ARFGEF1: variants seen among roughly 807,000 people sequenced by gnomAD.
ARFGEF1 encodes the protein brefeldin A-inhibited guanine nucleotide-exchange protein 1.
ARFGEF1 carries 42 observed loss-of-function variants against 231.0 expected under a neutral mutation model. The observed-to-expected ratio is 0.18, with a 90% confidence interval of 0.14 to 0.24. The LOEUF is 0.24. Among genes scored for constraint, ARFGEF1 ranks in the 10% least tolerant of loss-of-function variants. The pLI, the probability that ARFGEF1 is intolerant of heterozygous loss-of-function variation, is 1.00. For synonymous variants in ARFGEF1, 710 were observed against 732.3 expected (o/e 0.97, Z 0.49); for missense variants, 1,345 against 2,192.0 (o/e 0.61, Z 7.72).
downstream of ARFGEF1, chr8:67,193,350 G>A: frequency 1.2e-6 from 1 of 840,404 alleles, no homozygotes; most frequent in Non-Finnish European, 1.8e-6. Context: ...GCCCACCTCG[G>A]CTTCCCAAAG....
At chr8:67,318,297 A>C (rs1807423133) in intron 1 of ARFGEF1, among the ~76,000 whole-genome samples, 1 of 151,698 alleles carries the variant, frequency 6.6e-6, no homozygotes, top group Non-Finnish European at 1.5e-5. Context: ...ATTTCAATTG[A>C]TACAGAAAAA....
chr8:67,271,111 C>A (rs547832204), intron 10 of ARFGEF1, among the ~76,000 whole-genome samples: 38 of 150,244 alleles, frequency 2.5e-4, no homozygotes, highest in Non-Finnish European at 5.2e-4. Flanking sequence ...TTGAAAACAT[C>A]CCTAATTTAG....
At chr8:67,220,022 A>C (rs1470183917) in intron 29 of ARFGEF1, among the ~76,000 whole-genome samples, 2 of 152,222 alleles carry the variant, frequency 1.3e-5, no homozygotes, top group African/African-American at 4.8e-5. Context: ...CAACATCCCT[A>C]AACAAAAGGA....
downstream of ARFGEF1, chr8:67,195,240 A>AAAACAAAC (rs3217664): frequency 5.6e-6 from 4 of 711,902 alleles, no homozygotes; most frequent in East Asian, 1.0e-4. Flanking sequence ...GAGTCTAACC[A>AAAACAAAC]AAACAAACAA....
chr8:67,187,131 A>T (rs1834892899), intron 5 of ARFGEF1, among the ~76,000 whole-genome samples: 1 of 152,192 alleles, frequency 6.6e-6, no homozygotes. Flanking sequence ...TATTGTCAAG[A>T]TGTCAGGTCT....
chr8:67,325,980 C>G (rs1807815034), intron 1 of ARFGEF1, among the ~76,000 whole-genome samples: 1 of 152,160 alleles, frequency 6.6e-6, no homozygotes. Context: ...GGGCAGATCA[C>G]TTGAGGTCAG....
chr8:67,232,789 C>A, intron 23 of ARFGEF1, 66 bp downstream of exon 23: 6 of 1,238,214 alleles, frequency 4.8e-6, no homozygotes, highest in Non-Finnish European at 5.6e-6. Context: ...TTCTTTTTAC[C>A]AACACCTAAA....
At chr8:67,220,298 T>C (rs1407966880) in intron 29 of ARFGEF1, among the ~76,000 whole-genome samples, 1 of 152,256 alleles carries the variant, frequency 6.6e-6, no homozygotes, top group Non-Finnish European at 1.5e-5. Context: ...TCTCTATTTG[T>C]TGCTTTTTCT....
chr8:67,247,148 C>T (rs1239396418), intron 19 of ARFGEF1, among the ~76,000 whole-genome samples: 1 of 150,274 alleles, frequency 6.7e-6, no homozygotes, highest in Non-Finnish European at 1.5e-5. Context: ...GGCTTCACTG[C>T]TAAATTCTAC....
chr8:67,194,766 T>C (rs948156835), downstream of ARFGEF1, among the ~76,000 whole-genome samples: 1 of 151,032 alleles, frequency 6.6e-6, no homozygotes, highest in Non-Finnish European at 1.5e-5. Context: ...TAAATAAAAG[T>C]AAAATACAGA....
Position 67,219,579 on chromosome 8 carries a change from A to G in ARFGEF1, c.4209-19T>C. 2 of 1,571,830 alleles carry G rather than the reference A, an allele frequency of 1.3e-6. No individual in the cohort carries two copies. The highest frequency in any genetic ancestry group is 1.2e-5 in the South Asian group (1 of 82,034). On this transcript the variant is annotated intron_variant, in intron 29 of 38. Transcript: ENST00000262215. ...TAAACCCCTAAAATGACAAAACACA[A>G]TTAGAAAGCTGTAATACAAAAAAGC...
intron 22 of ARFGEF1, 105 bp downstream of exon 22, chr8:67,238,238 A>T (rs1839828971): frequency 8.0e-7 from 1 of 1,242,772 alleles, no homozygotes; most frequent in Non-Finnish European, 1.1e-6. Flanking sequence ...AGGTTAGACA[A>T]AAGGCATTTT....
intron 26 of ARFGEF1, 57 bp from the exon 27 acceptor site, chr8:67,227,366 T>A (rs1563850032): frequency 6.3e-7 from 1 of 1,597,352 alleles, no homozygotes; most frequent in Non-Finnish European, 8.6e-7. Flanking sequence ...CATCAGTTTT[T>A]CCCCCTTTCT....
intron 17 of ARFGEF1, among the ~76,000 whole-genome samples, chr8:67,257,313 CAT>C (rs1840490004): frequency 6.6e-6 from 1 of 152,136 alleles, no homozygotes; most frequent in Admixed American, 6.5e-5. Context: ...CTCCTGGACT[CAT>C]GTGATCCGCC....
chr8:67,198,967 T>C lies in ARFGEF1; in HGVS notation c.5517A>G (p.Pro1839=), dbSNP rs1838210824. 1 of 1,613,236 alleles carries C rather than the reference T, an allele frequency of 6.2e-7. No homozygotes were observed. Among genetic ancestry groups the C allele is most frequent in the African/African-American group, 1.3e-5 (1 of 74,958 alleles). The change falls in exon 39 of 39, where the codon CCA becomes CCG. Residue 1839 remains proline, a synonymous_variant. Coordinates refer to ENST00000262215, the MANE Select transcript of ARFGEF1 (RefSeq NM_006421.5). ...RIGVVFQISQ[P]PEQELGINKQ ...TGTTTATTCCAAGTTCCTGTTCAGG[T>C]GGTTGTGATATCTGAAAAACTACTC...
rs551992437 is a variant in ARFGEF1 at position 67,204,377 on chromosome 8, C to T, written c.4959+303G>A. Among the ~76,000 whole-genome samples, 10 of 152,232 alleles carry T rather than the reference C, an allele frequency of 6.6e-5. 1 individual carries two copies. In the South Asian group the frequency reaches 1.2e-3, roughly 19 times the overall value. On this transcript the variant is annotated intron_variant, in intron 35 of 38. Transcript: ENST00000262215. ...AAACATTTTCTTCATCTGACTTCCC[C>T]GACAACTGACACCTGCTTCCCCGTG... is the stretch of plus-strand genomic sequence containing the variant.
intron 22 of ARFGEF1, among the ~76,000 whole-genome samples, chr8:67,237,207 G>A (rs1839797659): frequency 6.6e-6 from 1 of 152,046 alleles, no homozygotes; most frequent in Non-Finnish European, 1.5e-5. Flanking sequence ...TATAAAGTTG[G>A]GCTTCTAATC....
At chr8:67,222,227 A>ACATG (rs1554636861) in intron 29 of ARFGEF1, among the ~76,000 whole-genome samples, 1 of 115,156 alleles carries the variant, frequency 8.7e-6, no homozygotes, top group African/African-American at 3.5e-5. Flanking sequence ...ATATATATGT[A>ACATG]TATGTATGTA....
intron 14 of ARFGEF1, among the ~76,000 whole-genome samples, chr8:67,260,782 T>C (rs540346553): frequency 6.6e-6 from 1 of 152,314 alleles, no homozygotes; most frequent in East Asian, 1.9e-4. Flanking sequence ...CAAGACAGGC[T>C]GAAAGCTAGG....
Sources: gnomAD v4.1 joint callset for allele counts (sites outside exome capture counted in the v4.1 genomes callset) on GRCh38, gnomAD v4.1.1 for gene constraint, MANE v1.5 for transcripts, NCBI Gene and HGNC (gene_info 2026-07-23, HGNC 2026-07-21) for gene names.